TENM1: variants seen among roughly 807,000 people sequenced by gnomAD.
TENM1 encodes teneurin transmembrane protein 1.
A neutral mutation model predicts 174.8 loss-of-function variants in TENM1; 35 were observed. That is an observed-to-expected ratio of 0.20 (90% confidence interval 0.15 to 0.27). TENM1 has a LOEUF of 0.27. TENM1 is among the 10% of genes least tolerant of loss of function. The pLI, the probability that TENM1 is intolerant of heterozygous loss-of-function variation, is 1.00. For missense variants in TENM1, 1,633 were observed against 2,130.1 expected, an observed-to-expected ratio of 0.77 and a Z score of 4.59; for synonymous variants, 781 against 798.7, an observed-to-expected ratio of 0.98 and a Z score of 0.37.
At chrX:124,809,850 G>GAGAC (rs1185954252) in intron 3 of TENM1, among the ~76,000 whole-genome samples, 1 of 103,308 alleles carries the variant, frequency 9.7e-6, no homozygotes, top group Non-Finnish European at 2.0e-5. Context: ...GCAGGAGAGA[G>GAGAC]AGAGAGAGAG....
intron 1 of TENM1, among the ~76,000 whole-genome samples, chrX:124,905,619 C>T (rs1223614337): frequency 8.9e-6 from 1 of 111,758 alleles, no homozygotes; most frequent in African/African-American, 3.3e-5. Flanking sequence ...GTAAGAGTTT[C>T]CAGGCCTCAG....
intron 16 of TENM1, among the ~76,000 whole-genome samples, chrX:124,526,745 C>A (rs1359491292): frequency 8.9e-5 from 10 of 112,145 alleles, no homozygotes; most frequent in Non-Finnish European, 1.9e-5. Flanking sequence ...GCTATTGACA[C>A]CTATGCAAAT....
the TENM1 span, among the ~76,000 whole-genome samples, chrX:124,993,804 A>G: frequency 9.2e-6 from 1 of 109,005 alleles, no homozygotes; most frequent in Non-Finnish European, 1.9e-5. Flanking sequence ...CTAAATGCAT[A>G]CGTGTGCATG....
chrX:124,692,407 A>C (rs1248863315), intron 5 of TENM1, among the ~76,000 whole-genome samples: 1 of 111,022 alleles, frequency 9.0e-6, no homozygotes, highest in Non-Finnish European at 1.9e-5. Flanking sequence ...TTATAGAACA[A>C]ACCTGCACAT....
chrX:124,683,528 C>T (rs1170113563), intron 5 of TENM1, among the ~76,000 whole-genome samples: 1 of 111,759 alleles, frequency 8.9e-6, no homozygotes, highest in East Asian at 2.8e-4. Context: ...CAGGTAAGTA[C>T]ATAAGAGAGA....
the TENM1 span, among the ~76,000 whole-genome samples, chrX:124,991,273 C>T: frequency 2.7e-5 from 3 of 111,419 alleles, no homozygotes; most frequent in East Asian, 8.5e-4. Context: ...CATATTTCCT[C>T]CAAACAAACC....
rs950929024 is a variant in TENM1, at chrX:124,443,757, G to A, written c.4104+9580C>T. Reference sequence around the variant, plus strand: ...GACTAGAAACAAATTTTTTCAAGTGGTTCTTATTTCCTTTTAAACAGAGTT... The same window carrying A: ...GACTAGAAACAAATTTTTTCAAGTGATTCTTATTTCCTTTTAAACAGAGTT... On this transcript the variant is annotated intron_variant, in intron 23 of 31. Transcript: ENST00000422452. Among the ~76,000 whole-genome samples, 5 of 111,540 alleles carry A rather than the reference G, an allele frequency of 4.5e-5. No homozygotes were observed. The South Asian group carries it at 1.9e-3, about 42-fold the overall frequency.
the TENM1 span, among the ~76,000 whole-genome samples, chrX:125,197,004 A>G: frequency 0.038 from 4,213 of 111,334 alleles, 201 homozygotes; most frequent in African/African-American, 0.13. Flanking sequence ...CTTCTCTTTG[A>G]CAGGTGTCTA....
the TENM1 span, among the ~76,000 whole-genome samples, chrX:125,192,230 G>A: frequency 1.8e-5 from 2 of 112,175 alleles, no homozygotes; most frequent in African/African-American, 3.2e-5. Context: ...AGAATGCATG[G>A]CATGTTTAAA....
In TENM1 at chrX:124,443,042, C is replaced by CTGTG. The variant is rs1288057201; in HGVS notation, c.4104+10294_4104+10295insCACA. ...GCTGTAACTTTTCATGCCTGGATGA[C>CTGTG]TATGTGTGTGTGTGTGTGTGTGTGT... On this transcript the variant is annotated intron_variant, in intron 23 of 31. Coordinates refer to ENST00000422452, the Ensembl canonical transcript of TENM1. 9.7e-4 allele frequency among the ~76,000 whole-genome samples: 41 copies of CTGTG among 42,169 alleles called. 1 individual carries two copies. The highest frequency in any genetic ancestry group is 2.8e-3 in the African/African-American group (26 of 9,266). 36.6% of individuals were successfully genotyped at this position (42,169 alleles called of 115,157 possible).
intron 11 of TENM1, among the ~76,000 whole-genome samples, chrX:124,631,061 A>T (rs2050744045): frequency 8.9e-6 from 1 of 112,159 alleles, no homozygotes; most frequent in Non-Finnish European, 1.9e-5. Flanking sequence ...TTGAGCTCAC[A>T]ATTTAAGAAA....
the TENM1 span, among the ~76,000 whole-genome samples, chrX:125,080,799 A>G: frequency 1.6e-4 from 18 of 110,447 alleles, no homozygotes; most frequent in African/African-American, 5.3e-4. Context: ...CCAAAAGGCT[A>G]AAAATTCCTC....
At chrX:125,006,640 C>T in the TENM1 span, among the ~76,000 whole-genome samples, 1 of 111,425 alleles carries the variant, frequency 9.0e-6, no homozygotes, top group Admixed American at 9.5e-5. Flanking sequence ...CAGGCTGGTG[C>T]CCCTCTGAAA....
chrX:124,377,176 T>G (rs928764628), exon 32 of TENM1: 1 of 110,962 alleles, frequency 9.0e-6, no homozygotes, highest in African/African-American at 3.3e-5. Context: ...GATGGAATGC[T>G]TGAAACTGTG....
At chrX:124,571,113 C>T (rs1028141675) in intron 11 of TENM1, among the ~76,000 whole-genome samples, 3 of 111,814 alleles carry the variant, frequency 2.7e-5, no homozygotes, top group East Asian at 5.6e-4. Flanking sequence ...CAAAGCAAGA[C>T]TCAATAAATG....
intron 9 of TENM1, 87 bp from the exon 13 acceptor site, chrX:124,645,424 G>A (rs2148381766): frequency 2.2e-6 from 2 of 913,324 alleles, no homozygotes; most frequent in Non-Finnish European, 3.0e-6. Flanking sequence ...TCGTATTTCA[G>A]GCAAAAAATT....
At chrX:125,129,803 T>C in the TENM1 span, among the ~76,000 whole-genome samples, 2 of 111,739 alleles carry the variant, frequency 1.8e-5, no homozygotes, top group African/African-American at 3.2e-5. Flanking sequence ...TGAATAATAT[T>C]CTATTATGTA....
At chrX:125,015,235 T>C in the TENM1 span, among the ~76,000 whole-genome samples, 1 of 111,127 alleles carries the variant, frequency 9.0e-6, no homozygotes, top group African/African-American at 3.3e-5. Context: ...TGTGACCTAT[T>C]TATACTAAAA....
At chrX:125,086,071 A>T in the TENM1 span, among the ~76,000 whole-genome samples, 4 of 110,651 alleles carry the variant, frequency 3.6e-5, no homozygotes, top group East Asian at 1.1e-3. Flanking sequence ...CTTGCCTCCC[A>T]AATAGCCATT....
Sources: gnomAD v4.1 joint callset for allele counts (sites outside exome capture counted in the v4.1 genomes callset) on GRCh38, gnomAD v4.1.1 for gene constraint, MANE v1.5 for transcripts, NCBI Gene and HGNC (gene_info 2026-07-23, HGNC 2026-07-21) for gene names.